GRID2: variants seen among roughly 807,000 people sequenced by gnomAD.
GRID2 encodes the protein glutamate receptor ionotropic, delta-2.
GRID2 carries 33 observed loss-of-function variants against 114.8 expected under a neutral mutation model. That is an observed-to-expected ratio of 0.29 (90% CI 0.22 to 0.38). GRID2 has a LOEUF of 0.38. Ranked by LOEUF, GRID2 falls within the 10% of genes least tolerant of loss-of-function variation. GRID2 has a pLI of 1.00. For synonymous variants in GRID2, 505 were observed against 449.9 expected (o/e 1.12, Z -1.55); for missense variants, 1,184 against 1,257.7 (o/e 0.94, Z 0.89).
chr4:92,751,752 A>C (rs1159763417), intron 2 of GRID2, among the ~76,000 whole-genome samples: 2 of 152,206 alleles, frequency 1.3e-5, no homozygotes, highest in African/African-American at 2.4e-5. Flanking sequence ...TTTGACATTC[A>C]TAGTCATTTC....
At chr4:93,249,495 C>G (rs1333118798) in intron 8 of GRID2, among the ~76,000 whole-genome samples, 1 of 152,020 alleles carries the variant, frequency 6.6e-6, no homozygotes, top group African/African-American at 2.4e-5. Context: ...ATCGATTATT[C>G]CTATCCATGA....
chr4:93,541,895 C>A (rs1368924006), intron 13 of GRID2, among the ~76,000 whole-genome samples: 2 of 152,156 alleles, frequency 1.3e-5, no homozygotes, highest in Non-Finnish European at 2.9e-5. Context: ...CCTCTCTTTG[C>A]AAAGATGTAT....
At chr4:93,294,801 C>T (rs1036370343) in intron 8 of GRID2, among the ~76,000 whole-genome samples, 8 of 152,098 alleles carry the variant, frequency 5.3e-5, no homozygotes, top group East Asian at 1.9e-4. Flanking sequence ...CTCAGGTGAT[C>T]GGCCCGCCTC....
At chr4:92,390,331 C>G (rs1369378083) in intron 1 of GRID2, among the ~76,000 whole-genome samples, 3 of 152,080 alleles carry the variant, frequency 2.0e-5, no homozygotes, top group African/African-American at 7.2e-5. Context: ...GATCATTCAG[C>G]AAATAAGTGT....
intron 2 of GRID2, among the ~76,000 whole-genome samples, chr4:92,858,039 A>T (rs921081139): frequency 2.0e-5 from 3 of 152,226 alleles, no homozygotes; most frequent in African/African-American, 7.2e-5. Flanking sequence ...GAGTATCTTA[A>T]GCCCACTTTT....
intron 2 of GRID2, among the ~76,000 whole-genome samples, chr4:93,070,165 G>A (rs924805704): frequency 4.6e-5 from 7 of 152,044 alleles, no homozygotes; most frequent in Non-Finnish European, 1.0e-4. Flanking sequence ...AGAGAAAGGA[G>A]TCCACATGAC....
intron 14 of GRID2, among the ~76,000 whole-genome samples, chr4:93,767,585 G>A (rs575133314): frequency 3.9e-5 from 6 of 152,276 alleles, no homozygotes; most frequent in South Asian, 4.1e-4. Context: ...CTGTGGGAAC[G>A]TCTGGGAGAG....
intron 2 of GRID2, among the ~76,000 whole-genome samples, chr4:93,043,385 C>A (rs1725791908): frequency 6.6e-6 from 1 of 152,022 alleles, no homozygotes; most frequent in African/African-American, 2.4e-5. Flanking sequence ...GAGATACAGA[C>A]ACATAAATGG....
At chr4:92,983,477 C>A (rs1329846011) in intron 2 of GRID2, among the ~76,000 whole-genome samples, 1 of 152,074 alleles carries the variant, frequency 6.6e-6, no homozygotes, top group Admixed American at 6.6e-5. Flanking sequence ...ATATTCAAAC[C>A]ACAGCAGTAA....
chr4:93,648,353 GA>G (rs1441512618), intron 14 of GRID2, among the ~76,000 whole-genome samples: 2 of 152,010 alleles, frequency 1.3e-5, no homozygotes, highest in Non-Finnish European at 2.9e-5. Context: ...TATGTGCAGA[GA>G]AAAAGGAACA....
intron 2 of GRID2, among the ~76,000 whole-genome samples, chr4:92,887,973 A>G (rs1746491844): frequency 6.6e-6 from 1 of 152,194 alleles, no homozygotes; most frequent in South Asian, 2.1e-4. Context: ...AGTGCTTAAC[A>G]CAAAGAATAA....
intron 14 of GRID2, among the ~76,000 whole-genome samples, chr4:93,685,418 T>A (rs1231584745): frequency 2.6e-5 from 4 of 152,090 alleles, no homozygotes; most frequent in Non-Finnish European, 2.9e-5. Flanking sequence ...TGAGCCAGGT[T>A]CATTGCCAAC....
At chr4:92,455,405 A>G (rs1391321749) in intron 1 of GRID2, among the ~76,000 whole-genome samples, 2 of 152,140 alleles carry the variant, frequency 1.3e-5, no homozygotes, top group East Asian at 1.9e-4. Context: ...CAGAGTATCA[A>G]TTATGTGAAT....
intron 1 of GRID2, among the ~76,000 whole-genome samples, chr4:92,455,870 TTTGA>T (rs759483650): frequency 2.1e-4 from 32 of 152,272 alleles, no homozygotes; most frequent in Admixed American, 2.0e-4. Context: ...CTGCCTGCGA[TTTGA>T]TTGATTAATT....
At chr4:93,119,711 C>T (rs1237584638) in intron 4 of GRID2, among the ~76,000 whole-genome samples, 1 of 152,040 alleles carries the variant, frequency 6.6e-6, no homozygotes, top group East Asian at 1.9e-4. Flanking sequence ...TTGAGGCTGT[C>T]AAACAACAAA....
chr4:93,545,851 C>T (rs1733162219), intron 13 of GRID2, among the ~76,000 whole-genome samples: 1 of 152,116 alleles, frequency 6.6e-6, no homozygotes, highest in African/African-American at 2.4e-5. Context: ...CATAAAGAAG[C>T]AATTCACTAT....
intron 3 of GRID2, among the ~76,000 whole-genome samples, chr4:93,096,159 A>G (rs1731212382): frequency 6.6e-6 from 1 of 151,978 alleles, no homozygotes; most frequent in Admixed American, 6.6e-5. Context: ...GGGTCCCTGT[A>G]TGGAATCAAA....
At chr4:93,378,997 A>G (rs1396515253) in intron 8 of GRID2, among the ~76,000 whole-genome samples, 1 of 152,080 alleles carries the variant, frequency 6.6e-6, no homozygotes, top group Non-Finnish European at 1.5e-5. Flanking sequence ...GTAACCTGTG[A>G]TCTAAATTAC....
intron 1 of GRID2, among the ~76,000 whole-genome samples, chr4:92,307,311 A>C (rs1432003001): frequency 2.0e-5 from 3 of 152,152 alleles, no homozygotes; most frequent in East Asian, 1.9e-4. Context: ...CTGGAGGGAA[A>C]GGGAATATTT....
Sources: gnomAD v4.1 joint callset for allele counts (sites outside exome capture counted in the v4.1 genomes callset) on GRCh38, gnomAD v4.1.1 for gene constraint, MANE v1.5 for transcripts, NCBI Gene and HGNC (gene_info 2026-07-23, HGNC 2026-07-21) for gene names.